CCDC33: variants seen among roughly 807,000 people sequenced by gnomAD.
CCDC33 encodes coiled-coil domain containing 33.
A neutral mutation model predicts 91.9 loss-of-function variants in CCDC33; 94 were observed. The ratio of observed to expected loss-of-function variants is 1.02; its 90% confidence interval spans 0.87 to 1.21. The LOEUF (loss-of-function observed/expected upper bound fraction) is 1.21, where lower values mean the gene tolerates loss of function less well. Ranked by LOEUF, CCDC33 falls within the 50% of genes most tolerant of loss-of-function variation. CCDC33 has a pLI of 0.00. For missense variants in CCDC33, 940 were observed against 935.5 expected, an observed-to-expected ratio of 1.00 and a Z score of -0.06; for synonymous variants, 396 against 374.5, an observed-to-expected ratio of 1.06 and a Z score of -0.66.
intron 7 of CCDC33, among the ~76,000 whole-genome samples, chr15:74,277,368 A>C (rs2076475635): frequency 6.6e-6 from 1 of 152,240 alleles, no homozygotes; most frequent in African/African-American, 2.4e-5. Context: ...CAGAGCAGGC[A>C]GAGGTGGATG....
intron 11 of CCDC33, among the ~76,000 whole-genome samples, chr15:74,323,187 T>C (rs1011810676): frequency 3.3e-5 from 5 of 152,114 alleles, no homozygotes; most frequent in African/African-American, 9.7e-5. Context: ...CACCCAGCAT[T>C]CAGAGCACTG....
intron 3 of CCDC33, among the ~76,000 whole-genome samples, chr15:74,262,829 AT>A (rs1476859940): frequency 1.3e-5 from 2 of 152,116 alleles, no homozygotes; most frequent in Non-Finnish European, 1.5e-5. Context: ...TGTTGTTATT[AT>A]TTTCATGGCT....
At chr15:74,268,254 T>G in intron 4 of CCDC33, 88 bp from the exon 5 acceptor site, 1 of 923,300 alleles carries the variant, frequency 1.1e-6, no homozygotes, top group Non-Finnish European at 1.8e-6. Context: ...TGCCAAGTGA[T>G]TGTCTGCAGA....
At chr15:74,329,267 G>A (rs970485271) in intron 11 of CCDC33, among the ~76,000 whole-genome samples, 3 of 151,994 alleles carry the variant, frequency 2.0e-5, no homozygotes, top group East Asian at 1.9e-4. Context: ...ACTTCTCAGC[G>A]TATTGTGAAG....
Position 74,218,672 on chromosome 15 carries a change from C to G in CCDC33, c.486C>G (p.Arg162=), listed in dbSNP as rs759094939. 1 of 1,289,884 alleles carries G rather than the reference C, an allele frequency of 7.8e-7. No individual in the cohort carries two copies. Among genetic ancestry groups the G allele is most frequent in the South Asian group, 1.2e-5 (1 of 81,028 alleles). 79.9% of individuals were successfully genotyped at this position (1,289,884 alleles called of 1,614,324 possible). Residue 162 remains arginine (R), a synonymous_variant, in exon 2 of 3, where the codon CGC becomes CGG. Coordinates refer to the CCDC33 transcript ENST00000635913. The surrounding 1 kb of genome is among the most constrained non-coding windows in gnomAD (Gnocchi z 4.8). ...CTCAGGATCACGAGGACCTGTACCG[C>G]TACTGTGGCAACCTGGCTCTGCTCC...
intron 11 of CCDC33, among the ~76,000 whole-genome samples, chr15:74,328,671 G>A (rs1026766524): frequency 6.6e-6 from 1 of 152,236 alleles, no homozygotes; most frequent in African/African-American, 2.4e-5. Context: ...AGGCTAGACA[G>A]TGGCAGGTGA....
chr15:74,209,722 T>C (rs929796437), intron 2 of CCDC33: 2 of 414,100 alleles, frequency 4.8e-6, no homozygotes, highest in Non-Finnish European at 8.6e-6. Context: ...TCCCTACCCC[T>C]CCCTCCCCTT....
intron 1 of CCDC33, among the ~76,000 whole-genome samples, chr15:74,204,083 T>C (rs556126257): frequency 6.6e-6 from 1 of 152,312 alleles, no homozygotes; most frequent in Non-Finnish European, 1.5e-5. Context: ...CAAATGGCCC[T>C]TCTTGCAGGA....
intron 11 of CCDC33, among the ~76,000 whole-genome samples, chr15:74,329,018 T>C (rs765336705): frequency 8.5e-5 from 13 of 152,202 alleles, no homozygotes; most frequent in Non-Finnish European, 1.6e-4. Flanking sequence ...GAGGTTGCAG[T>C]GAGCTATGAT....
upstream of CCDC33, among the ~76,000 whole-genome samples, chr15:74,232,513 C>G (rs1436950536): frequency 6.6e-6 from 1 of 152,050 alleles, no homozygotes; most frequent in African/African-American, 2.4e-5. Context: ...TCCCAGAGCC[C>G]CCACACTTGG....
exon 1 of CCDC33, chr15:74,203,087 A>T: frequency 2.0e-6 from 2 of 985,564 alleles, no homozygotes; most frequent in South Asian, 4.7e-5. Context: ...CCAGCATTAC[A>T]GCAACAACCG....
rs755758636 is a variant in CCDC33, at chr15:74,209,461, G to A, written n.163G>A. 9 of 1,534,948 alleles carry A rather than the reference G, an allele frequency of 5.9e-6. No individual in the cohort carries two copies. The African/African-American group carries it at 1.1e-4, about 19-fold the overall frequency. On this transcript the variant is annotated non_coding_transcript_exon_variant, in exon 2 of 4. Transcript: ENST00000558645. ...TTAATAACCGGATCTGCATCCTGCT[G>A]CTGCCCAGCTGGGCTGAGGGCCCTG...
intron 1 of CCDC33, chr15:74,209,274 C>T (rs2074331057): frequency 7.8e-7 from 1 of 1,277,360 alleles, no homozygotes; most frequent in Admixed American, 2.0e-5. Context: ...CTCAGAGTCA[C>T]CTCAGTGGAG....
At chr15:74,260,551 C>A (rs2075993903) in intron 2 of CCDC33, among the ~76,000 whole-genome samples, 1 of 152,188 alleles carries the variant, frequency 6.6e-6, no homozygotes, top group African/African-American at 2.4e-5. Flanking sequence ...AGGAGCTGAA[C>A]ATGCTTTCTT....
chr15:74,244,168 T>G lies in CCDC33; in HGVS notation c.185+20T>G, dbSNP rs773051234. ...GGTGGTGTAAGTAGCTGCGTGAGAG[T>G]GGGGGCAGGGGATGGGTTGGGCTGT... On this transcript the variant is annotated intron_variant, in intron 2 of 18. Transcript: ENST00000398814. The surrounding 1 kb of genome is among the most constrained non-coding windows in gnomAD (Gnocchi z 4.2). 1 of 1,597,948 alleles carries G rather than the reference T, an allele frequency of 6.3e-7. No homozygotes were observed. Among genetic ancestry groups the G allele is most frequent in the Non-Finnish European group, 8.5e-7 (1 of 1,170,134 alleles).
intron 1 of CCDC33, among the ~76,000 whole-genome samples, chr15:74,204,400 A>G (rs148178731): frequency 3.3e-4 from 51 of 152,340 alleles, no homozygotes; most frequent in African/African-American, 1.0e-3. Flanking sequence ...GGCCTGTCCT[A>G]TACAGGCGGC....
chr15:74,253,634 T>C (rs2075775954), intron 2 of CCDC33, among the ~76,000 whole-genome samples: 1 of 152,178 alleles, frequency 6.6e-6, no homozygotes, highest in African/African-American at 2.4e-5. Context: ...TTAGGGGATG[T>C]GCCACACAGT....
intron 11 of CCDC33, among the ~76,000 whole-genome samples, chr15:74,307,304 A>G (rs980001220): frequency 2.0e-5 from 3 of 152,212 alleles, no homozygotes; most frequent in Non-Finnish European, 4.4e-5. Context: ...CATTTTAATA[A>G]CACTAAGTGT....
upstream of CCDC33, among the ~76,000 whole-genome samples, chr15:74,214,243 G>A (rs867861116): frequency 5.3e-5 from 8 of 152,044 alleles, no homozygotes; most frequent in Non-Finnish European, 1.0e-4. Context: ...GCCTCTGAGT[G>A]GCCATTCTTT....
Sources: allele counts gnomAD v4.1 joint callset (sites outside exome capture counted in the v4.1 genomes callset), GRCh38; gene constraint gnomAD v4.1.1; non-coding constraint Gnocchi (gnomAD v3.1); transcripts MANE v1.5; gene names NCBI Gene and HGNC (gene_info 2026-07-23, HGNC 2026-07-21).